The following SFMBT2 variants were observed in gnomAD, a reference collection of about 807,000 sequenced individuals.
The protein encoded by SFMBT2 is scm-like with four MBT domains protein 2.
Under a neutral mutation model 110.1 loss-of-function variants are expected in SFMBT2, and 38 were observed. The observed-to-expected ratio is 0.35, with a 90% CI of 0.27 to 0.45. SFMBT2 has a LOEUF of 0.45. Among genes scored for constraint, SFMBT2 ranks in the 20% least tolerant of loss-of-function variants. The pLI, the probability that SFMBT2 is intolerant of heterozygous loss-of-function variation, is 1.00. For missense variants in SFMBT2, 1,011 were observed against 1,094.9 expected (o/e 0.92, Z 1.08); for synonymous variants, 425 against 425.4 (o/e 1.00, Z 0.01).
intron 4 of SFMBT2, among the ~76,000 whole-genome samples, chr10:7,299,287 G>C (rs888219763): frequency 1.3e-5 from 2 of 152,120 alleles, no homozygotes; most frequent in African/African-American, 2.4e-5. Flanking sequence ...ACTATCATAA[G>C]AGTAAAGAGG....
At chr10:7,317,212 T>C (rs1279792710) in intron 4 of SFMBT2, among the ~76,000 whole-genome samples, 1 of 152,052 alleles carries the variant, frequency 6.6e-6, no homozygotes, top group East Asian at 1.9e-4. Context: ...GCAGGACCCA[T>C]GTGGGCAGCT....
chr10:7,258,587 G>A (rs908163069), intron 7 of SFMBT2, among the ~76,000 whole-genome samples: 2 of 152,188 alleles, frequency 1.3e-5, no homozygotes, highest in African/African-American at 2.4e-5. Flanking sequence ...GAAGTCAATG[G>A]AAGGTTTTAG....
intron 1 of SFMBT2, among the ~76,000 whole-genome samples, chr10:7,404,713 A>T (rs906339950): frequency 6.6e-6 from 1 of 152,250 alleles, no homozygotes; most frequent in Admixed American, 6.5e-5. Context: ...GGAAGCCTAG[A>T]CGTGTCATCT....
chr10:7,397,028 C>T (rs1320942620), intron 1 of SFMBT2, among the ~76,000 whole-genome samples: 1 of 152,096 alleles, frequency 6.6e-6, no homozygotes, highest in Non-Finnish European at 1.5e-5. Context: ...ACGTTGTGCA[C>T]ATGTACCCTA....
chr10:7,221,710 A>G (rs1341500838), intron 10 of SFMBT2, among the ~76,000 whole-genome samples: 1 of 147,182 alleles, frequency 6.8e-6, no homozygotes, highest in Admixed American at 6.7e-5. Context: ...CTTTTTGTTT[A>G]TTGCTAATTT....
chr10:7,410,959 C>T lies in SFMBT2; in HGVS notation c.-150G>A, dbSNP rs1203703368. 6.6e-6 allele frequency among the ~76,000 whole-genome samples: 1 copy of T among 151,630 alleles called. No homozygotes were observed. Among genetic ancestry groups the T allele is most frequent in the East Asian group, 1.9e-4 (1 of 5,172 alleles). Reference sequence around the variant, plus strand: ...GCTTGCTCGCTCGCCCGCCCTTGCCCGCTCGCTCCCCGCCCGCCGCCTCCC... The same window carrying T: ...GCTTGCTCGCTCGCCCGCCCTTGCCTGCTCGCTCCCCGCCCGCCGCCTCCC... On this transcript the variant is annotated 5_prime_UTR_variant, in exon 1 of 21. Coordinates refer to ENST00000397167, the MANE Select transcript of SFMBT2 (RefSeq NM_001387889.1).
intron 11 of SFMBT2, among the ~76,000 whole-genome samples, chr10:7,216,090 GC>G (rs1409900221): frequency 3.3e-5 from 5 of 152,218 alleles, no homozygotes; most frequent in Non-Finnish European, 7.3e-5. Context: ...GGAAACCAGG[GC>G]TTAAGCAACG....
In SFMBT2 at chr10:7,367,906, T is replaced by C. The variant is rs2132052388; in HGVS notation, c.196-17A>G. ...GATTTCAACCTTAAGGAATCAGAAA[T>C]AGAGAAAACCCATTACTACACTAGA... On this transcript the variant is annotated splice_polypyrimidine_tract_variant and intron_variant, in intron 3 of 20. Transcript: ENST00000397167. This position sits in a 1 kb window ranked among gnomAD's most constrained non-coding sequence, Gnocchi z 6.2. The C allele has an allele frequency of 1.2e-6, 2 of 1,613,094 alleles. No individual in the cohort carries two copies. The highest frequency in any genetic ancestry group is 1.7e-6 in the Non-Finnish European group (2 of 1,179,410).
In SFMBT2 at chr10:7,225,213, C is replaced by G. The variant is rs546233968; in HGVS notation, c.1203+2642G>C. On this transcript the variant is annotated intron_variant, in intron 10 of 20. Transcript: ENST00000397167. ...ACAACCACATAACCTATTTTCATTT[C>G]AATCCACCGCTTGAGGGTAATTTAT... Among the ~76,000 whole-genome samples, 30 of 152,214 alleles carry G rather than the reference C, an allele frequency of 2.0e-4. 1 individual carries two copies. The highest frequency in any genetic ancestry group is 3.8e-4 in the Non-Finnish European group (26 of 68,032).
intron 11 of SFMBT2, among the ~76,000 whole-genome samples, chr10:7,213,914 A>G (rs899585473): frequency 4.6e-5 from 7 of 152,216 alleles, no homozygotes; most frequent in African/African-American, 7.2e-5. Context: ...ATGGCTGAAG[A>G]GCAGGACTGG....
At chr10:7,343,713 C>T (rs922597884) in intron 4 of SFMBT2, among the ~76,000 whole-genome samples, 3 of 152,082 alleles carry the variant, frequency 2.0e-5, no homozygotes, top group African/African-American at 4.8e-5. Flanking sequence ...TATTCATGTC[C>T]TTTGCCCATT....
At chr10:7,228,735 C>CTCTCT (rs1491205985) in intron 9 of SFMBT2, among the ~76,000 whole-genome samples, 4 of 36,592 alleles carry the variant, frequency 1.1e-4, no homozygotes, top group African/African-American at 4.8e-4. Context: ...TTCTTTCTTT[C>CTCTCT]CTTTCTCTCT....
chr10:7,360,404 T>G (rs1054807737), intron 4 of SFMBT2, among the ~76,000 whole-genome samples: 1 of 152,000 alleles, frequency 6.6e-6, no homozygotes, highest in Non-Finnish European at 1.5e-5. Context: ...GAGGCAGAGG[T>G]TGCAGTGAGC....
intron 4 of SFMBT2, chr10:7,348,353 G>A (rs1844186124): frequency 6.6e-7 from 1 of 1,517,606 alleles, no homozygotes; most frequent in African/African-American, 1.4e-5. Context: ...AATAATCACA[G>A]ATGGTTTTAA....
chr10:7,331,245 G>A (rs1218094433), intron 4 of SFMBT2, among the ~76,000 whole-genome samples: 2 of 152,146 alleles, frequency 1.3e-5, no homozygotes, highest in African/African-American at 2.4e-5. Flanking sequence ...TTCATCACTC[G>A]ATGGCACACA....
chr10:7,170,063 CCTT>C lies in SFMBT2; in HGVS notation c.2544+862_2544+864del, dbSNP rs1007660241. ...AGGCCAGGTGGATACACTGTTCCCT[CCTT>C]CTCCCACTAGGCCTAAGTAAGATCC... On this transcript the variant is annotated intron_variant, in intron 20 of 20. Coordinates refer to ENST00000397167, the MANE Select transcript of SFMBT2 (RefSeq NM_001387889.1). The surrounding 1 kb of genome is among the most constrained non-coding windows in gnomAD (Gnocchi z 4.6). Among the ~76,000 whole-genome samples the C allele has an allele frequency of 6.6e-6, 1 of 152,180 alleles. No homozygotes were observed. The highest frequency in any genetic ancestry group is 2.4e-5 in the African/African-American group (1 of 41,442).
At chr10:7,357,329 A>C (rs1489057178) in intron 4 of SFMBT2, among the ~76,000 whole-genome samples, 1 of 152,132 alleles carries the variant, frequency 6.6e-6, no homozygotes, top group Non-Finnish European at 1.5e-5. Flanking sequence ...GATGCGACTA[A>C]CATTTAAATA....
Position 7,383,275 on chromosome 10 carries a change from G to A in SFMBT2, c.-51-1326C>T, listed in dbSNP as rs577556764. ...TCCCAGCTACTTGGGAGGCTGAGGCGGGAGGATCATTTGAGCTCAGGAGTT... is the reference window on the plus strand; with the variant it reads ...TCCCAGCTACTTGGGAGGCTGAGGCAGGAGGATCATTTGAGCTCAGGAGTT... On this transcript the variant is annotated intron_variant, in intron 1 of 20. Transcript: ENST00000397167. Among the ~76,000 whole-genome samples, 254 of 152,118 alleles carry A rather than the reference G, an allele frequency of 1.7e-3. 3 individuals carry two copies. The highest frequency in any genetic ancestry group is 5.6e-3 in the African/African-American group (234 of 41,498).
intron 16 of SFMBT2, among the ~76,000 whole-genome samples, chr10:7,187,002 G>C (rs944341399): frequency 6.6e-6 from 1 of 152,218 alleles, no homozygotes; most frequent in East Asian, 1.9e-4. Context: ...TTACAATTCA[G>C]TAGAGCTGGG....
Sources: allele counts gnomAD v4.1 joint callset (sites outside exome capture counted in the v4.1 genomes callset), GRCh38; gene constraint gnomAD v4.1.1; non-coding constraint Gnocchi (gnomAD v3.1); transcripts MANE v1.5; gene names NCBI Gene and HGNC (gene_info 2026-07-23, HGNC 2026-07-21).